The following UPF2 variants were observed in gnomAD, a reference collection of about 807,000 sequenced individuals.
UPF2 encodes UPF2 regulator of nonsense mediated mRNA decay, also known as regulator of nonsense transcripts 2.
Under a neutral mutation model 141.4 loss-of-function variants are expected in UPF2, and 17 were observed. The ratio of observed to expected loss-of-function variants is 0.12; its 90% CI spans 0.08 to 0.18. The LOEUF is 0.18. UPF2 is among the 10% of genes least tolerant of loss of function. The pLI is 1.00. For missense variants in UPF2, 1,152 were observed against 1,515.9 expected (o/e 0.76, Z 3.99); for synonymous variants, 540 against 498.0 (o/e 1.08, Z -1.12).
chr10:11,932,744 A>G (rs1588524414), intron 19 of UPF2, among the ~76,000 whole-genome samples: 1 of 152,298 alleles, frequency 6.6e-6, no homozygotes, highest in East Asian at 1.9e-4. Context: ...TCCTGAACAT[A>G]ATAGCAATGA....
intron 10 of UPF2, among the ~76,000 whole-genome samples, chr10:11,964,409 A>G (rs1564346950): frequency 6.6e-6 from 1 of 152,234 alleles, no homozygotes; most frequent in Non-Finnish European, 1.5e-5. Flanking sequence ...CCACATACAC[A>G]GCAGACATTT....
chr10:11,954,643 A>AAAAT (rs1439199969), intron 14 of UPF2, among the ~76,000 whole-genome samples: 8 of 128,356 alleles, frequency 6.2e-5, no homozygotes, highest in Admixed American at 4.0e-4. Flanking sequence ...CAAAAAAAAA[A>AAAAT]ATATATATAT....
intron 18 of UPF2, among the ~76,000 whole-genome samples, chr10:11,941,472 C>CTG (rs1262037360): frequency 6.6e-6 from 1 of 152,156 alleles, no homozygotes; most frequent in Non-Finnish European, 1.5e-5. Flanking sequence ...ATACCTTTGG[C>CTG]TGTAGCAGCA....
chr10:11,997,821 T>C, intron 7 of UPF2, 64 bp from the exon 8 acceptor site: 1 of 1,392,834 alleles, frequency 7.2e-7, no homozygotes, highest in Non-Finnish European at 1.0e-6. Context: ...GCAGAAATCC[T>C]GCCTACTATG....
chr10:12,037,060 G>A lies in UPF2; in HGVS notation c.-18-1619C>T, dbSNP rs11816785. 3.7e-3 allele frequency among the ~76,000 whole-genome samples: 570 copies of A among 152,234 alleles called. 1 individual carries two copies. The highest frequency in any genetic ancestry group is 0.013 in the African/African-American group (537 of 41,524). ...AAGAAAATCAAAATTCTATTTTAGAGGTAGAAAATTACCTAAATTTCTTAG... is the reference window on the plus strand; with the variant it reads ...AAGAAAATCAAAATTCTATTTTAGAAGTAGAAAATTACCTAAATTTCTTAG... On this transcript the variant is annotated intron_variant, in intron 1 of 21. Coordinates refer to ENST00000357604, the MANE Select transcript of UPF2 (RefSeq NM_015542.4).
intron 19 of UPF2, among the ~76,000 whole-genome samples, chr10:11,932,115 C>CAA (rs1564334932): frequency 5.6e-4 from 85 of 151,478 alleles, no homozygotes; most frequent in Middle Eastern, 6.8e-3. Flanking sequence ...TGCCACTGCA[C>CAA]TCCAGCCTGG....
Position 11,943,116 on chromosome 10 carries a change from G to C in UPF2, c.3227C>G (p.Thr1076Arg). The C allele has an allele frequency of 6.2e-7, 1 of 1,612,294 alleles. No homozygotes were observed. Among genetic ancestry groups the C allele is most frequent in the Non-Finnish European group, 8.5e-7 (1 of 1,179,468 alleles). The change falls in exon 17 of 22, where the codon ACA (threonine) becomes AGA (arginine). Residue 1076 changes from threonine to arginine, a missense_variant. By Grantham distance (71) the Thr-to-Arg change is moderately conservative. Transcript: ENST00000357604. ...DEGEEEEEEN[T>R]DYLTDSNKEN... Reference sequence around the variant, plus strand: ...CTTATTGGAATCTGTAAGGTAATCTGTATTCTCTTCCTCCTCTTCTTCTCC... The same window carrying C: ...CTTATTGGAATCTGTAAGGTAATCTCTATTCTCTTCCTCCTCTTCTTCTCC...
chr10:12,035,495 T>A lies in UPF2; in HGVS notation c.-18-54A>T, dbSNP rs545740235. ...TAGATGCAGTGACTTTTTAAAATGATATCACACTATTTTTTTAAACAGAAC... is the reference window on the plus strand; with the variant it reads ...TAGATGCAGTGACTTTTTAAAATGAAATCACACTATTTTTTTAAACAGAAC... On this transcript the variant is annotated intron_variant, in intron 1 of 21. Coordinates refer to ENST00000357604, the MANE Select transcript of UPF2 (RefSeq NM_015542.4). 9.7e-5 allele frequency: 141 copies of A among 1,456,966 alleles called. No homozygotes were observed. In the African/African-American group the frequency reaches 1.9e-3, roughly 20 times the overall value. 90.3% of individuals were successfully genotyped at this position (1,456,966 alleles called of 1,614,324 possible).
chr10:11,982,036 TAAAAAAA>T (rs34301046), intron 8 of UPF2, among the ~76,000 whole-genome samples: 32,709 of 148,840 alleles, frequency 0.22, 3,830 homozygotes, highest in East Asian at 0.45. Context: ...TTCCTACTAT[TAAAAAAA>T]AAAAAGCCTG....
At position 11,936,919 on chromosome 10, in the gene UPF2, C is replaced by T. The variant is rs1462482785; in HGVS notation, c.3379-207G>A. Reference sequence around the variant, plus strand: ...TTTCTCCCTCCACCTAACACCTCTGCCTATGACATGGAAGGAAATGCAGGA... The same window carrying T: ...TTTCTCCCTCCACCTAACACCTCTGTCTATGACATGGAAGGAAATGCAGGA... On this transcript the variant is annotated intron_variant, in intron 18 of 21. Coordinates refer to ENST00000357604, the MANE Select transcript of UPF2 (RefSeq NM_015542.4). This position sits in a 1 kb window ranked among gnomAD's most constrained non-coding sequence, Gnocchi z 6.6. Among the ~76,000 whole-genome samples, 1 of 152,236 alleles carries T rather than the reference C, an allele frequency of 6.6e-6. No individual in the cohort carries two copies. The highest frequency in any genetic ancestry group is 1.5e-5 in the Non-Finnish European group (1 of 68,034).
In UPF2 at chr10:11,984,968, C is replaced by G. The variant is rs573776006; in HGVS notation, c.1845-5803G>C. Among the ~76,000 whole-genome samples, 4 of 152,320 alleles carry G rather than the reference C, an allele frequency of 2.6e-5. No homozygotes were observed. The East Asian group carries it at 7.7e-4, about 29-fold the overall frequency. On this transcript the variant is annotated intron_variant, in intron 8 of 21. Transcript: ENST00000357604. ...CCTCAAGTGATCCACCCGCCTCGGC[C>G]TCCCACAGTGCTGGGATTACAGGCG...
At position 11,936,358 on chromosome 10, in the gene UPF2, C is replaced by G. The variant is rs1034906808; in HGVS notation, c.3546+187G>C. 6.6e-6 allele frequency among the ~76,000 whole-genome samples: 1 copy of G among 151,418 alleles called. No homozygotes were observed. Among genetic ancestry groups the G allele is most frequent in the Non-Finnish European group, 1.5e-5 (1 of 67,964 alleles). On this transcript the variant is annotated intron_variant, in intron 19 of 21. Transcript: ENST00000357604. The surrounding 1 kb of genome is among the most constrained non-coding windows in gnomAD (Gnocchi z 6.6). Reference sequence around the variant, plus strand: ...CCAGCCTGGGCGACAAAGTGAGACGCCGTCTCAAAAAAAACAAAAACAAAA... The same window carrying G: ...CCAGCCTGGGCGACAAAGTGAGACGGCGTCTCAAAAAAAACAAAAACAAAA...
intron 3 of UPF2, among the ~76,000 whole-genome samples, chr10:12,024,950 A>T (rs1416187146): frequency 6.7e-6 from 1 of 150,124 alleles, no homozygotes; most frequent in Non-Finnish European, 1.5e-5. Flanking sequence ...AAAAAAAAAA[A>T]AAAAAAACAC....
At chr10:12,041,789 A>G (rs956561727) in intron 1 of UPF2, among the ~76,000 whole-genome samples, 4 of 152,230 alleles carry the variant, frequency 2.6e-5, no homozygotes, top group African/African-American at 9.6e-5. Flanking sequence ...ACAAATGAGG[A>G]GACTGACGAT....
At chr10:12,008,003 C>T (rs1426419267) in intron 4 of UPF2, among the ~76,000 whole-genome samples, 2 of 151,620 alleles carry the variant, frequency 1.3e-5, no homozygotes, top group African/African-American at 4.8e-5. Context: ...TCACTTCAGT[C>T]TCCCAAGTAG....
chr10:11,970,016 T>C (rs1407575933), intron 9 of UPF2, among the ~76,000 whole-genome samples: 1 of 152,202 alleles, frequency 6.6e-6, no homozygotes, highest in African/African-American at 2.4e-5. Flanking sequence ...AAGCTAAAGC[T>C]TAATATACAT....
intron 15 of UPF2, among the ~76,000 whole-genome samples, chr10:11,950,823 G>C (rs1588533382): frequency 6.6e-6 from 1 of 152,168 alleles, no homozygotes; most frequent in South Asian, 2.1e-4. Flanking sequence ...AGAACAAAAA[G>C]AATCATATAT....
chr10:12,013,486 G>C (rs1256664945), intron 4 of UPF2, among the ~76,000 whole-genome samples: 2 of 151,942 alleles, frequency 1.3e-5, no homozygotes, highest in Non-Finnish European at 2.9e-5. Context: ...TGTTGGTCAG[G>C]CTGGTCTTGA....
chr10:12,039,976 A>G (rs1025272819), intron 1 of UPF2, among the ~76,000 whole-genome samples: 3 of 152,252 alleles, frequency 2.0e-5, no homozygotes, highest in African/African-American at 7.2e-5. Flanking sequence ...GAAAAGATTA[A>G]GAAATTCATG....
Sources: gnomAD v4.1 joint callset for allele counts (sites outside exome capture counted in the v4.1 genomes callset) on GRCh38, gnomAD v4.1.1 for gene constraint, Gnocchi (gnomAD v3.1) non-coding constraint, MANE v1.5 for transcripts, NCBI Gene and HGNC (gene_info 2026-07-23, HGNC 2026-07-21) for gene names.